Variants in LRBA observed in about 807,000 individuals in gnomAD.
LRBA encodes lipopolysaccharide-responsive and beige-like anchor protein.
In LRBA, 176 loss-of-function variants were observed where a neutral mutation model predicts 330.0. The ratio of observed to expected loss-of-function variants is 0.53; its 90% CI spans 0.47 to 0.60. The LOEUF is 0.60. LRBA is among the 20% of genes least tolerant of loss of function. The pLI, the probability that LRBA is intolerant of heterozygous loss-of-function variation, is 0.00. For missense variants in LRBA, 3,259 were observed against 3,444.8 expected (o/e 0.95, Z 1.35); for synonymous variants, 1,230 against 1,193.0 (o/e 1.03, Z -0.64).
intron 33 of LRBA, among the ~76,000 whole-genome samples, chr4:150,799,007 C>T (rs939304265): frequency 3.3e-5 from 5 of 152,012 alleles, no homozygotes; most frequent in African/African-American, 7.2e-5. Context: ...TTTTTTCTCC[C>T]GAAGAAAACT....
chr4:150,520,252 A>G (rs1160658935), intron 40 of LRBA, among the ~76,000 whole-genome samples: 1 of 152,140 alleles, frequency 6.6e-6, no homozygotes, highest in Non-Finnish European at 1.5e-5. Flanking sequence ...CAGCTTGTCA[A>G]TTTCTTGAAA....
chr4:150,678,103 A>G (rs944824684), intron 37 of LRBA, among the ~76,000 whole-genome samples: 6 of 151,876 alleles, frequency 4.0e-5, no homozygotes, highest in Non-Finnish European at 8.8e-5. Context: ...TCAGCTTAGC[A>G]TGGGGCACAC....
chr4:150,384,280 C>T (rs924364451), intron 47 of LRBA, among the ~76,000 whole-genome samples: 2 of 151,984 alleles, frequency 1.3e-5, no homozygotes, highest in Non-Finnish European at 2.9e-5. Flanking sequence ...TCAGGTGATC[C>T]GCCCACCTCA....
intron 35 of LRBA, 33 bp from the exon 36 acceptor site, chr4:150,735,399 T>A: frequency 7.7e-7 from 1 of 1,294,468 alleles, no homozygotes; most frequent in Non-Finnish European, 1.1e-6. Context: ...AATAAATATA[T>A]GTATACACAC....
At chr4:150,813,885 TG>T (rs887878907) in intron 31 of LRBA, among the ~76,000 whole-genome samples, 15 of 152,140 alleles carry the variant, frequency 9.9e-5, no homozygotes, top group Non-Finnish European at 1.9e-4. Flanking sequence ...CTATGTTGTT[TG>T]GTAAGTTAGG....
At chr4:150,936,154 T>A (rs1245151661) in intron 2 of LRBA, among the ~76,000 whole-genome samples, 1 of 152,082 alleles carries the variant, frequency 6.6e-6, no homozygotes, top group Non-Finnish European at 1.5e-5. Context: ...ATTAAACAGA[T>A]ACTTTCATAC....
rs770518067 is a variant in LRBA at position 150,828,921 on chromosome 4, G to GT, written c.4730-301_4730-300insA. Among the ~76,000 whole-genome samples the GT allele has an allele frequency of 0.46, 36,102 of 79,106 alleles. 5,270 individuals carry two copies. The highest frequency in any genetic ancestry group is 0.51 in the Middle Eastern group (88 of 172). 51.9% of individuals were successfully genotyped at this position (79,106 alleles called of 152,430 possible). On this transcript the variant is annotated intron_variant, in intron 29 of 56. Transcript: ENST00000651943. ...AGAAAAAGTCTATAATCTTTTTTGG[G>GT]GGTGTGTGTGTGTGTGTGTGTGTGT...
rs28538591 is a variant in LRBA at position 150,740,555 on chromosome 4, A to C, written c.5646-5189T>G. On this transcript the variant is annotated intron_variant, in intron 35 of 56. Coordinates refer to ENST00000651943, the MANE Select transcript of LRBA (RefSeq NM_001364905.1). Reference sequence around the variant, plus strand: ...AAAGTAAAAATGGTTTTTAAATACTATTTTGAAAAGCATTCAAAACCATCA... The same window carrying C: ...AAAGTAAAAATGGTTTTTAAATACTCTTTTGAAAAGCATTCAAAACCATCA... Among the ~76,000 whole-genome samples the C allele has an allele frequency of 6.2e-3, 935 of 151,738 alleles. 5 individuals carry two copies. Among genetic ancestry groups the C allele is most frequent in the African/African-American group, 0.022 (903 of 41,432 alleles).
intron 46 of LRBA, chr4:150,422,668 G>T (rs917449763): frequency 3.0e-6 from 2 of 668,760 alleles, no homozygotes; most frequent in South Asian, 1.6e-5. Context: ...CACTGCTCCG[G>T]CTCCTCTAAC....
intron 37 of LRBA, among the ~76,000 whole-genome samples, chr4:150,671,340 T>A (rs1423444622): frequency 1.3e-5 from 2 of 152,204 alleles, no homozygotes; most frequent in Non-Finnish European, 2.9e-5. Context: ...CTCCTTCACC[T>A]TTCACAAGCA....
Position 150,470,840 on chromosome 4 carries a change from T to TACAC in LRBA, c.6667+780_6667+783dup, listed in dbSNP as rs146604033. Among the ~76,000 whole-genome samples, 942 of 140,646 alleles carry TACAC rather than the reference T, an allele frequency of 6.7e-3. 9 individuals are homozygous for TACAC. The highest frequency in any genetic ancestry group is 0.022 in the African/African-American group (843 of 38,074). 92.3% of individuals were successfully genotyped at this position (140,646 alleles called of 152,430 possible). A position where few individuals can be genotyped will look rare whatever the true frequency, so the allele number is the denominator to read the frequency against. On this transcript the variant is annotated intron_variant, in intron 43 of 56. Transcript: ENST00000651943. Reference sequence around the variant, plus strand: ...GATACCTAATGGAAGCCCTCATTACTACACACACACACACACACACACACA... The same window carrying TACAC: ...GATACCTAATGGAAGCCCTCATTACTACACACACACACACACACACACACACACA...
chr4:150,354,887 A>C (rs927777144), intron 47 of LRBA, among the ~76,000 whole-genome samples: 35 of 152,048 alleles, frequency 2.3e-4, no homozygotes, highest in African/African-American at 8.2e-4. Context: ...TAAATTATTC[A>C]TAAATAGGAG....
chr4:150,503,004 GA>G (rs1728561080), intron 40 of LRBA, among the ~76,000 whole-genome samples: 1 of 152,236 alleles, frequency 6.6e-6, no homozygotes, highest in African/African-American at 2.4e-5. Flanking sequence ...GAGGCTGGGG[GA>G]GGGGTGCCCA....
At chr4:150,335,105 C>T (rs970492350) in intron 48 of LRBA, among the ~76,000 whole-genome samples, 5 of 151,954 alleles carry the variant, frequency 3.3e-5, no homozygotes, top group African/African-American at 1.2e-4. Flanking sequence ...GCTGGGATTA[C>T]AGGCATAAGC....
At chr4:150,556,578 A>G (rs941705156) in intron 40 of LRBA, among the ~76,000 whole-genome samples, 1 of 152,232 alleles carries the variant, frequency 6.6e-6, no homozygotes, top group Non-Finnish European at 1.5e-5. Context: ...CATAACTCCA[A>G]TCTCTTTACT....
At chr4:150,505,177 GA>G (rs1760881697) in intron 40 of LRBA, among the ~76,000 whole-genome samples, 1 of 152,170 alleles carries the variant, frequency 6.6e-6, no homozygotes, top group East Asian at 1.9e-4. Flanking sequence ...CAATGAGACA[GA>G]AAGTTAACAA....
intron 34 of LRBA, among the ~76,000 whole-genome samples, chr4:150,772,028 G>A (rs1029733512): frequency 6.6e-6 from 1 of 151,874 alleles, no homozygotes; most frequent in African/African-American, 2.4e-5. Context: ...AACTTTTTTT[G>A]TCAACAATTT....
chr4:150,994,085 A>T (rs551815540), intron 2 of LRBA, among the ~76,000 whole-genome samples: 1 of 151,148 alleles, frequency 6.6e-6, no homozygotes, highest in South Asian at 2.1e-4. Context: ...AAAAAAAATC[A>T]ATTATGTGAA....
chr4:150,350,685 T>G (rs1737030712), intron 47 of LRBA, among the ~76,000 whole-genome samples: 1 of 152,174 alleles, frequency 6.6e-6, no homozygotes, highest in Admixed American at 6.5e-5. Flanking sequence ...AATAAATGTG[T>G]AAGTTTCAGT....
Sources: allele counts gnomAD v4.1 joint callset (sites outside exome capture counted in the v4.1 genomes callset), GRCh38; gene constraint gnomAD v4.1.1; transcripts MANE v1.5; gene names NCBI Gene and HGNC (gene_info 2026-07-23, HGNC 2026-07-21).